Variants in PPP4R3A observed in about 807,000 individuals in gnomAD.
The protein encoded by PPP4R3A is serine/threonine-protein phosphatase 4 regulatory subunit 3A.
A neutral mutation model predicts 91.7 loss-of-function variants in PPP4R3A; 15 were observed. The ratio of observed to expected loss-of-function variants is 0.16; its 90% CI spans 0.11 to 0.25. The LOEUF (loss-of-function observed/expected upper bound fraction) is 0.25, where lower values mean the gene tolerates loss of function less well. Ranked by LOEUF, PPP4R3A falls within the 10% of genes least tolerant of loss-of-function variation. The pLI is 1.00. For synonymous variants in PPP4R3A, 377 were observed against 348.7 expected, an observed-to-expected ratio of 1.08 and a Z score of -0.91; for missense variants, 623 against 998.4, an observed-to-expected ratio of 0.62 and a Z score of 5.07.
intron 12 of PPP4R3A, 58 bp from the exon 13 acceptor site, chr14:91,462,297 C>T: frequency 7.1e-7 from 1 of 1,408,644 alleles, no homozygotes; most frequent in South Asian, 1.9e-5. Context: ...TGTACTGTTA[C>T]AGATGACTTA....
intron 1 of PPP4R3A, among the ~76,000 whole-genome samples, chr14:91,496,772 G>A (rs1890598057): frequency 6.6e-6 from 1 of 152,152 alleles, no homozygotes; most frequent in African/African-American, 2.4e-5. Flanking sequence ...AGGCTATAGA[G>A]GCTAGAACAC....
chr14:91,473,344 TATA>T lies in PPP4R3A; in HGVS notation c.1290_1292del (p.Ile431del). On this transcript the variant is annotated inframe_deletion, in exon 8 of 15. Coordinates refer to ENST00000554943, the MANE Select transcript of PPP4R3A (RefSeq NM_001366432.2). ...GATCTGTATCACAAATCATATGTTC[TATA>T]ATGAGGTTGATGAGCAAAATATCCT... is the stretch of plus-strand genomic sequence containing the variant. 6.2e-7 allele frequency: 1 copy of T among 1,613,678 alleles called. No homozygotes were observed. Among genetic ancestry groups the T allele is most frequent in the Non-Finnish European group, 8.5e-7 (1 of 1,179,926 alleles).
At chr14:91,464,825 T>C (rs1325283393) in intron 11 of PPP4R3A, among the ~76,000 whole-genome samples, 1 of 152,188 alleles carries the variant, frequency 6.6e-6, no homozygotes, top group Non-Finnish European at 1.5e-5. Context: ...TGAAAGACAA[T>C]TTTTCCACCA....
At chr14:91,483,400 C>T (rs1415030276) in intron 3 of PPP4R3A, among the ~76,000 whole-genome samples, 1 of 152,166 alleles carries the variant, frequency 6.6e-6, no homozygotes, top group African/African-American at 2.4e-5. Context: ...TGGACAGCAG[C>T]ACTGAAAGGA....
At position 91,509,657 on chromosome 14, in the gene PPP4R3A, CG is replaced by C. The variant is rs1566662818; in HGVS notation, c.-11del. ...GCCGGGTGTCGGTCATCGTGCCGCC[CG>C]GGAACCGGGGCGGGGGCCCCGCCAG... On this transcript the variant is annotated 5_prime_UTR_variant, in exon 1 of 15. Coordinates refer to ENST00000554943, the MANE Select transcript of PPP4R3A (RefSeq NM_001366432.2). 1 of 1,590,002 alleles carries C rather than the reference CG, an allele frequency of 6.3e-7. No homozygotes were observed. The highest frequency in any genetic ancestry group is 1.8e-4 in the Middle Eastern group (1 of 5,514).
Position 91,510,053 on chromosome 14 carries a change from G to A in PPP4R3A, c.-406C>T. 2 of 658,290 alleles carry A rather than the reference G, an allele frequency of 3.0e-6. No homozygotes were observed. The highest frequency in any genetic ancestry group is 3.8e-6 in the Non-Finnish European group (2 of 528,588). 40.8% of individuals were successfully genotyped at this position (658,290 alleles called of 1,614,324 possible). ...GCCTCCTCAGGCCGCCGCCGCCGCC[G>A]CCATATTTTCCTTCCTTATACCTGG... On this transcript the variant is annotated 5_prime_UTR_variant, in exon 1 of 15. Transcript: ENST00000554943.
intron 1 of PPP4R3A, among the ~76,000 whole-genome samples, chr14:91,500,383 T>A (rs946891163): frequency 1.3e-5 from 2 of 152,154 alleles, no homozygotes; most frequent in Non-Finnish European, 2.9e-5. Flanking sequence ...GTATTTTTAA[T>A]AGAGACGGGG....
rs1887875839 is a variant in PPP4R3A at position 91,458,079 on chromosome 14, A to AG, written c.*679dup. 1 of 153,104 alleles carries AG rather than the reference A, an allele frequency of 6.5e-6. No homozygotes were observed. Among genetic ancestry groups the AG allele is most frequent in the East Asian group, 1.9e-4 (1 of 5,190 alleles). The allele number at this position is 153,104 out of a possible 1,614,324, so 9.5% of individuals were successfully genotyped here. A position where few individuals can be genotyped will look rare whatever the true frequency, so the allele number is the denominator to read the frequency against. On this transcript the variant is annotated 3_prime_UTR_variant, in exon 15 of 15. Coordinates refer to ENST00000554943, the MANE Select transcript of PPP4R3A (RefSeq NM_001366432.2). ...CAACAACTAAGCATACACTCAGGGG[A>AG]GGAAAAAAAAAATCAAAAACAAAAT...
chr14:91,497,334 TTTTA>T (rs1288602128), intron 1 of PPP4R3A, among the ~76,000 whole-genome samples: 1 of 110,390 alleles, frequency 9.1e-6, no homozygotes. Flanking sequence ...AAGAGGAATC[TTTTA>T]TTTACACACA....
intron 1 of PPP4R3A, among the ~76,000 whole-genome samples, chr14:91,507,146 C>A (rs1244747167): frequency 6.6e-6 from 1 of 151,438 alleles, no homozygotes; most frequent in African/African-American, 2.4e-5. Context: ...TGTTGAAACC[C>A]CGTCTCTACT....
At chr14:91,508,252 C>T (rs1891536755) in intron 1 of PPP4R3A, among the ~76,000 whole-genome samples, 1 of 152,098 alleles carries the variant, frequency 6.6e-6, no homozygotes, top group Non-Finnish European at 1.5e-5. Flanking sequence ...TTTGGGTAAC[C>T]TTATAACCTG....
chr14:91,477,851 G>T (rs1450917270), intron 4 of PPP4R3A, among the ~76,000 whole-genome samples: 1 of 152,224 alleles, frequency 6.6e-6, no homozygotes, highest in Non-Finnish European at 1.5e-5. Context: ...GTTTTGTCAT[G>T]TTGGCCAGTC....
chr14:91,484,184 C>T (rs957974258), intron 3 of PPP4R3A, among the ~76,000 whole-genome samples: 1 of 152,132 alleles, frequency 6.6e-6, no homozygotes, highest in Non-Finnish European at 1.5e-5. Flanking sequence ...AATGTTAGTC[C>T]TTTCATGTTT....
At chr14:91,485,982 A>C (rs1889852980) in intron 2 of PPP4R3A, among the ~76,000 whole-genome samples, 1 of 152,222 alleles carries the variant, frequency 6.6e-6, no homozygotes, top group South Asian at 2.1e-4. Context: ...GCATTGCAAA[A>C]GATAAAAACA....
chr14:91,479,142 C>G (rs1419007756), intron 4 of PPP4R3A, among the ~76,000 whole-genome samples: 1 of 151,816 alleles, frequency 6.6e-6, no homozygotes, highest in East Asian at 1.9e-4. Context: ...ACCATCACGC[C>G]TGGCTAATTT....
chr14:91,476,632 C>T, intron 5 of PPP4R3A, 108 bp from the exon 6 acceptor site: 1 of 789,566 alleles, frequency 1.3e-6, no homozygotes, highest in Non-Finnish European at 2.0e-6. Context: ...ATGGCACGAT[C>T]TTGGCTCACT....
chr14:91,466,600 T>G (rs967391178), intron 10 of PPP4R3A, among the ~76,000 whole-genome samples: 1 of 152,214 alleles, frequency 6.6e-6, no homozygotes, highest in African/African-American at 2.4e-5. Flanking sequence ...GTTTATAGAA[T>G]AATAATTGCA....
At chr14:91,488,203 TAAA>T (rs11310905) in intron 2 of PPP4R3A, among the ~76,000 whole-genome samples, 14 of 142,620 alleles carry the variant, frequency 9.8e-5, no homozygotes, top group Non-Finnish European at 2.2e-4. Flanking sequence ...ACCCCATCTC[TAAA>T]AAAAAAAAAA....
rs1217973753 is a variant in PPP4R3A, at chr14:91,458,016, C to A, written c.*743G>T. The A allele has an allele frequency of 6.6e-6, 1 of 152,052 alleles. No individual in the cohort carries two copies. Among genetic ancestry groups the A allele is most frequent in the East Asian group, 1.9e-4 (1 of 5,186 alleles). 9.4% of individuals were successfully genotyped at this position (152,052 alleles called of 1,614,324 possible). A position where few individuals can be genotyped will look rare whatever the true frequency, so the allele number is the denominator to read the frequency against. On this transcript the variant is annotated 3_prime_UTR_variant, in exon 15 of 15. Coordinates refer to ENST00000554943, the MANE Select transcript of PPP4R3A (RefSeq NM_001366432.2). ...ACCAGCACAACGTTAGGTTATATTA[C>A]ATCAAAAAAAGTTTTAATGGTCCCA... is the stretch of plus-strand genomic sequence containing the variant.
Sources: gnomAD v4.1 joint callset for allele counts (sites outside exome capture counted in the v4.1 genomes callset) on GRCh38, gnomAD v4.1.1 for gene constraint, MANE v1.5 for transcripts, NCBI Gene and HGNC (gene_info 2026-07-23, HGNC 2026-07-21) for gene names.